Variants in PRCD observed in about 807,000 individuals in gnomAD.
PRCD encodes photoreceptor disk component PRCD.
A neutral mutation model predicts 10.1 loss-of-function variants in PRCD; 12 were observed. The observed-to-expected ratio is 1.18, with a 90% CI of 0.76 to 1.92. The LOEUF is 1.92. PRCD is among the 40% of genes most tolerant of loss of function. The probability of loss-of-function intolerance (pLI) is 0.00; values close to 1 mark genes in which losing one functional copy is unlikely to be tolerated. For missense variants in PRCD, 61 were observed against 72.2 expected, an observed-to-expected ratio of 0.84 and a Z score of 0.56; for synonymous variants, 31 against 26.2, an observed-to-expected ratio of 1.18 and a Z score of -0.56.
At chr17:76,541,652 G>A (rs2074994512) in intron 2 of PRCD, among the ~76,000 whole-genome samples, 1 of 152,224 alleles carries the variant, frequency 6.6e-6, no homozygotes, top group Non-Finnish European at 1.5e-5. Context: ...CGATAGGCCA[G>A]CTGGCATCAT....
intron 1 of PRCD, among the ~76,000 whole-genome samples, chr17:76,532,897 C>T (rs1382799140): frequency 2.0e-5 from 3 of 152,176 alleles, no homozygotes; most frequent in Non-Finnish European, 2.9e-5. Context: ...GACATGGGCA[C>T]CGACTCAATC....
chr17:76,531,801 C>T lies in PRCD; in HGVS notation n.45+3968C>T. 1 of 855,518 alleles carries T rather than the reference C, an allele frequency of 1.2e-6. No homozygotes were observed. The highest frequency in any genetic ancestry group is 2.4e-4 in the Middle Eastern group (1 of 4,150). The allele number at this position is 855,518 out of a possible 1,614,324, so 53.0% of individuals were successfully genotyped here. On this transcript the variant is annotated intron_variant and non_coding_transcript_variant, in intron 1 of 4. Coordinates refer to the PRCD transcript ENST00000397633. This position sits in a 1 kb window ranked among gnomAD's most constrained non-coding sequence, Gnocchi z 7.4. ...AAGTGGACCGCAGTGCTCCCCACCC[C>T]CGCACCGTCACTGTTTTCACTACCA...
downstream of PRCD, among the ~76,000 whole-genome samples, chr17:76,549,745 G>A (rs918403632): frequency 8.5e-5 from 13 of 152,172 alleles, no homozygotes; most frequent in South Asian, 4.1e-4. Context: ...GCAATGAAAA[G>A]GAAATGAACT....
Position 76,531,265 on chromosome 17 carries a change from G to A in PRCD, n.45+3432G>A. On this transcript the variant is annotated intron_variant and non_coding_transcript_variant, in intron 1 of 4. Coordinates refer to the PRCD transcript ENST00000397633. This position sits in a 1 kb window ranked among gnomAD's most constrained non-coding sequence, Gnocchi z 7.4. ...CCTAACGCAACAGTCTGGCAGCTTT[G>A]GGAACCCCGTGCTCTCAGGACAAGG... 1 of 1,257,924 alleles carries A rather than the reference G, an allele frequency of 7.9e-7. No homozygotes were observed. The highest frequency in any genetic ancestry group is 1.1e-6 in the Non-Finnish European group (1 of 908,470). The allele number at this position is 1,257,924 out of a possible 1,614,324, so 77.9% of individuals were successfully genotyped here. A position where few individuals can be genotyped will look rare whatever the true frequency, so the allele number is the denominator to read the frequency against.
intron 2 of PRCD, 126 bp from the exon 3 acceptor site, chr17:76,542,427 C>A: frequency 9.1e-7 from 1 of 1,095,236 alleles, no homozygotes; most frequent in Non-Finnish European, 1.4e-6. Flanking sequence ...CAACTGATTC[C>A]TTAGGTGGTC....
chr17:76,537,385 C>T, upstream of PRCD: 2 of 1,581,218 alleles, frequency 1.3e-6, no homozygotes, highest in South Asian at 1.1e-5. Flanking sequence ...CCCGGCCGGG[C>T]CGGGCGACAC....
At chr17:76,545,907 C>T (rs116274053), downstream of PRCD, 869 of 161,116 alleles carry the variant, frequency 5.4e-3, 11 homozygotes, top group African/African-American at 0.02. Context: ...GCTGGGCGAC[C>T]GGTAGTTCTG....
chr17:76,540,239 C>T lies in PRCD; in HGVS notation c.74+24C>T. 3.3e-5 allele frequency: 10 copies of T among 306,852 alleles called. No individual in the cohort carries two copies. The highest frequency in any genetic ancestry group is 6.0e-5 in the Non-Finnish European group (10 of 165,356). The allele number at this position is 306,852 out of a possible 1,614,324, so 19.0% of individuals were successfully genotyped here. On this transcript the variant is annotated intron_variant, in intron 1 of 4. Coordinates refer to ENST00000592014, the MANE Select transcript of PRCD (RefSeq NM_001077620.3). This position sits in a 1 kb window ranked among gnomAD's most constrained non-coding sequence, Gnocchi z 5.0. Reference sequence around the variant, plus strand: ...CCGTGAGAAACTGACCGGGCTATGGCTGGCGGTTGGTCGGGGGGGGGGGGC... The same window carrying T: ...CCGTGAGAAACTGACCGGGCTATGGTTGGCGGTTGGTCGGGGGGGGGGGGC...
At chr17:76,534,238 G>A (rs537559449) in intron 1 of PRCD, among the ~76,000 whole-genome samples, 2 of 149,362 alleles carry the variant, frequency 1.3e-5, no homozygotes, top group African/African-American at 2.4e-5. Context: ...GTGCACTGGT[G>A]CAATCTTGGC....
At chr17:76,537,334 C>T (rs957540667), upstream of PRCD, 2 of 1,472,216 alleles carry the variant, frequency 1.4e-6, no homozygotes, top group African/African-American at 1.5e-5. Flanking sequence ...CGGGCCCAGC[C>T]CTCCTCTGCC....
downstream of PRCD, chr17:76,546,249 C>T (rs975830348): frequency 6.6e-6 from 1 of 152,232 alleles, no homozygotes; most frequent in Non-Finnish European, 1.5e-5. The surrounding 1 kb of genome is among the most constrained non-coding windows in gnomAD (Gnocchi z 4.5). Flanking sequence ...AGGTGCTGCT[C>T]CTGCAACTGA....
chr17:76,542,745 C>T (rs553550908), intron 3 of PRCD, 112 bp downstream of exon 3: 9 of 730,432 alleles, frequency 1.2e-5, no homozygotes, highest in Non-Finnish European at 2.2e-5. Flanking sequence ...TCAGCTCTTG[C>T]CACTGATGGA....
At chr17:76,539,710 AT>A (rs939413330), upstream of PRCD, among the ~76,000 whole-genome samples, 5 of 152,192 alleles carry the variant, frequency 3.3e-5, no homozygotes, top group African/African-American at 1.2e-4. Context: ...TGCACTGCAA[AT>A]TCAGAGGCCC....
At position 76,530,459 on chromosome 17, in the gene PRCD, C is replaced by G. The variant is rs1040781242; in HGVS notation, n.45+2626C>G. ...GTGCGTGTGAGCGACACCCATGTAGCTTCCTCGTGGGCTGGGGTGTGTGTG... is the reference window on the plus strand; with the variant it reads ...GTGCGTGTGAGCGACACCCATGTAGGTTCCTCGTGGGCTGGGGTGTGTGTG... On this transcript the variant is annotated intron_variant and non_coding_transcript_variant, in intron 1 of 4. Coordinates refer to the PRCD transcript ENST00000397633. This position sits in a 1 kb window ranked among gnomAD's most constrained non-coding sequence, Gnocchi z 6.1. Among the ~76,000 whole-genome samples the G allele has an allele frequency of 6.6e-6, 1 of 152,226 alleles. No homozygotes were observed. Among genetic ancestry groups the G allele is most frequent in the African/African-American group, 2.4e-5 (1 of 41,452 alleles).
Position 76,530,955 on chromosome 17 carries a change from G to A in PRCD, n.45+3122G>A, listed in dbSNP as rs369542211. 1.1e-4 allele frequency: 178 copies of A among 1,548,614 alleles called. No homozygotes were observed. Among genetic ancestry groups the A allele is most frequent in the Non-Finnish European group, 4.0e-5 (46 of 1,144,248 alleles). On this transcript the variant is annotated intron_variant and non_coding_transcript_variant, in intron 1 of 4. Coordinates refer to the PRCD transcript ENST00000397633. The surrounding 1 kb of genome is among the most constrained non-coding windows in gnomAD (Gnocchi z 6.1). The stretch of plus-strand genomic sequence containing the variant: ...GAGGACATGGCGGGGAGGCTGCCCA[G>A]CCCACCCTCGCCCGCCTCCTCACGT...
intron 1 of PRCD, among the ~76,000 whole-genome samples, chr17:76,552,616 C>T (rs138489022): frequency 1.2e-3 from 179 of 151,804 alleles, no homozygotes; most frequent in Middle Eastern, 3.4e-3. Flanking sequence ...GTGATTCCAG[C>T]ACTTTGGGAG....
chr17:76,543,689 G>A, intron 4 of PRCD, 114 bp from the exon 5 acceptor site: 1 of 455,642 alleles, frequency 2.2e-6, no homozygotes, highest in South Asian at 1.6e-5. Flanking sequence ...TGCTGGCCTG[G>A]CCAACTGCCT....
At chr17:76,538,484 G>T, upstream of PRCD, 1 of 466,088 alleles carries the variant, frequency 2.1e-6, no homozygotes, top group South Asian at 1.6e-5. Context: ...GAAGTCCCCC[G>T]TGGCTTATGA....
chr17:76,537,996 G>C (rs1461634489), upstream of PRCD: 2 of 151,296 alleles, frequency 1.3e-5, no homozygotes, highest in African/African-American at 2.4e-5. Flanking sequence ...GCGGTCACGC[G>C]GCGCTGGGCG....
Sources: allele counts gnomAD v4.1 joint callset (sites outside exome capture counted in the v4.1 genomes callset), GRCh38; gene constraint gnomAD v4.1.1; non-coding constraint Gnocchi (gnomAD v3.1); transcripts MANE v1.5; gene names NCBI Gene and HGNC (gene_info 2026-07-23, HGNC 2026-07-21).